GSC2: variants seen among roughly 807,000 people sequenced by gnomAD.
GSC2 encodes goosecoid homeobox 2.
In GSC2, 12 loss-of-function variants were observed where a neutral mutation model predicts 11.3. The observed-to-expected ratio is 1.06, with a 90% CI of 0.68 to 1.72. The LOEUF (loss-of-function observed/expected upper bound fraction) is 1.72. GSC2 is among the 40% of genes most tolerant of loss of function. The pLI is 0.00. For missense variants in GSC2, 310 were observed against 235.7 expected (o/e 1.32, Z -2.06); for synonymous variants, 148 against 110.0 (o/e 1.35, Z -2.16).
In GSC2 at chr22:19,149,659, T is replaced by C. The variant is rs1164346760; in HGVS notation, c.513+4A>G. ...TCCGGGGAAAGGCTGGGCGGGGCAC[T>C]CACCTCCACGCGCTCCTCGCGAAGG... On this transcript the variant is annotated splice_donor_region_variant and intron_variant, in intron 2 of 2. Coordinates refer to ENST00000086933, the MANE Select transcript of GSC2 (RefSeq NM_005315.2). The C allele has an allele frequency of 2.6e-6, 4 of 1,535,092 alleles. No individual in the cohort carries two copies. Among genetic ancestry groups the C allele is most frequent in the Non-Finnish European group, 3.5e-6 (4 of 1,145,682 alleles).
chr22:19,149,517 C>A, intron 2 of GSC2, 146 bp downstream of exon 2: 1 of 850,398 alleles, frequency 1.2e-6, no homozygotes, highest in Non-Finnish European at 1.7e-6. Flanking sequence ...GGACGCCCAG[C>A]GCCGTCCAGG....
At position 19,147,697 on chromosome 22, in the gene GSC2, G is replaced by C. The variant is rs572140675; in HGVS notation, c.*1294C>G. Among the ~76,000 whole-genome samples the C allele has an allele frequency of 6.6e-6, 1 of 152,236 alleles. No homozygotes were observed. The highest frequency in any genetic ancestry group is 6.5e-5 in the Admixed American group (1 of 15,298). ...TGCTAGGGACACCCAGCAGTGTCAGGGCAGTTCTGACTGGGGACACCATGC... is the reference window on the plus strand; with the variant it reads ...TGCTAGGGACACCCAGCAGTGTCAGCGCAGTTCTGACTGGGGACACCATGC... On this transcript the variant is annotated 3_prime_UTR_variant, in exon 3 of 3. Coordinates refer to ENST00000086933, the MANE Select transcript of GSC2 (RefSeq NM_005315.2).
intron 1 of GSC2, 27 bp downstream of exon 1, chr22:19,149,998 C>G: frequency 9.1e-7 from 1 of 1,093,720 alleles, no homozygotes; most frequent in Non-Finnish European, 1.1e-6. Flanking sequence ...TCCGCCGGGC[C>G]CCGCGCCCCG....
At chr22:19,149,120 C>A in intron 2 of GSC2, 25 bp from the exon 3 acceptor site, 2 of 1,405,768 alleles carry the variant, frequency 1.4e-6, no homozygotes, top group South Asian at 2.6e-5. Context: ...AATGCTCAGC[C>A]CTAGCCCCAG....
Position 19,150,119 on chromosome 22 carries a change from C to T in GSC2, c.165G>A (p.Glu55=). The change falls in exon 1 of 3, where the codon GAG becomes GAA. Residue 55 remains glutamate (E), a synonymous_variant. Coordinates refer to ENST00000086933, the MANE Select transcript of GSC2 (RefSeq NM_005315.2). ...AGRQSPAKPE[E]PGAPEAAPCA... ...AGGGCGCAGCCTCGGGCGCCCCGGG[C>T]TCCTCTGGCTTCGCGGGGCTCTGGC... is the stretch of plus-strand genomic sequence containing the variant. 1.0e-6 allele frequency: 1 copy of T among 988,494 alleles called. No homozygotes were observed. Among genetic ancestry groups the T allele is most frequent in the Non-Finnish European group, 1.2e-6 (1 of 826,936 alleles). 61.2% of individuals were successfully genotyped at this position (988,494 alleles called of 1,614,324 possible). A position where few individuals can be genotyped will look rare whatever the true frequency, so the allele number is the denominator to read the frequency against.
In GSC2 at chr22:19,147,395, C is replaced by T. The variant is rs2083798306; in HGVS notation, c.*1596G>A. Among the ~76,000 whole-genome samples, 1 of 152,172 alleles carries T rather than the reference C, an allele frequency of 6.6e-6. No individual in the cohort carries two copies. Among genetic ancestry groups the T allele is most frequent in the African/African-American group, 2.4e-5 (1 of 41,432 alleles). On this transcript the variant is annotated 3_prime_UTR_variant, in exon 3 of 3. Transcript: ENST00000086933. ...GGGGGGTCAGCCTGCCAAGGAGCAGCTAGAGCTCAAGAAGCAAATTCAGGA... is the reference window on the plus strand; with the variant it reads ...GGGGGGTCAGCCTGCCAAGGAGCAGTTAGAGCTCAAGAAGCAAATTCAGGA...
Position 19,149,756 on chromosome 22 carries a change from C to T in GSC2, c.420G>A (p.Ala140=). 6.3e-7 allele frequency: 1 copy of T among 1,595,332 alleles called. No individual in the cohort carries two copies. Among genetic ancestry groups the T allele is most frequent in the African/African-American group, 1.4e-5 (1 of 72,860 alleles). ...RTIFSEEQLQ[A]LEALFVQNQY... is the part of the protein sequence containing the mutation. ...GGTTCTGCACGAAAAGCGCCTCGAG[C>T]GCCTGCAGCTGCTCTTCGCTGAAGA... is the stretch of plus-strand genomic sequence containing the variant. The change falls in exon 2 of 3, where the codon GCG becomes GCA. Residue 140 remains alanine (A), a synonymous_variant. Transcript: ENST00000086933.
chr22:19,149,267 C>T (rs987577386), intron 2 of GSC2, among the ~76,000 whole-genome samples, 172 bp from the exon 3 acceptor site: 1 of 152,198 alleles, frequency 6.6e-6, no homozygotes, highest in Non-Finnish European at 1.5e-5. Flanking sequence ...TCGCTGCGGA[C>T]AGACTCGGTG....
rs1053989085 is a variant in GSC2 at position 19,147,320 on chromosome 22, C to G, written c.*1671G>C. On this transcript the variant is annotated 3_prime_UTR_variant, in exon 3 of 3. Coordinates refer to ENST00000086933, the MANE Select transcript of GSC2 (RefSeq NM_005315.2). ...CCGGGAAGAGGGTGAAGATGAGAAG[C>G]GAGCGCCTGGGTGTGAGCGTGAAGG... Among the ~76,000 whole-genome samples, 5 of 152,062 alleles carry G rather than the reference C, an allele frequency of 3.3e-5. No homozygotes were observed. Among genetic ancestry groups the G allele is most frequent in the Non-Finnish European group, 5.9e-5 (4 of 68,020 alleles).
In GSC2 at chr22:19,150,133, C is replaced by T. The variant is rs1386115151; in HGVS notation, c.151G>A (p.Ala51Thr). 9.3e-5 allele frequency: 90 copies of T among 967,142 alleles called. No individual in the cohort carries two copies. The highest frequency in any genetic ancestry group is 1.1e-4 in the Non-Finnish European group (86 of 805,950). The allele number at this position is 967,142 out of a possible 1,614,324, so 59.9% of individuals were successfully genotyped here. ...GGCGCCCCGGGCTCCTCTGGCTTCG[C>T]GGGGCTCTGGCGACCGGCGGGCTGC... ...PPQPAGRQSPAKPEEPGAPEA... is the reference protein window; with the variant it reads ...PPQPAGRQSPTKPEEPGAPEA... Residue 51 changes from alanine to threonine, a missense_variant, in exon 1 of 3, where the codon GCG becomes ACG. Ala to Thr is a moderately conservative substitution (Grantham distance 58, BLOSUM62 0). Transcript: ENST00000086933.
Position 19,148,348 on chromosome 22 carries a change from C to T in GSC2, c.*643G>A, listed in dbSNP as rs1202966236. ...TCCTTGTTGGGTGTGGGAGTGGAGCCAAGGTGGACTTGAGACTCTGGGCGG... is the reference window on the plus strand; with the variant it reads ...TCCTTGTTGGGTGTGGGAGTGGAGCTAAGGTGGACTTGAGACTCTGGGCGG... On this transcript the variant is annotated 3_prime_UTR_variant, in exon 3 of 3. Transcript: ENST00000086933. Among the ~76,000 whole-genome samples, 1 of 152,150 alleles carries T rather than the reference C, an allele frequency of 6.6e-6. No homozygotes were observed. The highest frequency in any genetic ancestry group is 1.9e-4 in the East Asian group (1 of 5,188).
In GSC2 at chr22:19,149,730, T is replaced by A; in HGVS notation, c.446A>T (p.Gln149Leu). 6.3e-7 allele frequency: 1 copy of A among 1,592,970 alleles called. No individual in the cohort carries two copies. The highest frequency in any genetic ancestry group is 8.5e-7 in the Non-Finnish European group (1 of 1,171,772). ...CTCGCGCGTACTCACGTCAGGATAC[T>A]GGTTCTGCACGAAAAGCGCCTCGAG... ...QALEALFVQNQYPDVSTRERL... is the reference protein window; with the variant it reads ...QALEALFVQNLYPDVSTRERL... Residue 149 changes from glutamine (Q) to leucine (L), a missense_variant, in exon 2 of 3, where the codon CAG (glutamine) becomes CTG (leucine). Gln to Leu is a moderately radical substitution (Grantham distance 113). Coordinates refer to ENST00000086933, the MANE Select transcript of GSC2 (RefSeq NM_005315.2).
rs73390724 is a variant in GSC2 at position 19,148,995 on chromosome 22, C to G, written c.614G>C (p.Cys205Ser). The G allele has an allele frequency of 3.8e-4, 602 of 1,575,960 alleles. 1 individual carries two copies. The African/African-American group carries it at 7.7e-3, about 20-fold the overall frequency. ...PGVKKSPKGSC is the reference protein window; with the variant it reads ...PGVKKSPKGSS ...CAGGGGCAGCTCCTAGAGTCATCAG[C>G]AGCTCCCCTTCGGGGACTTCTTGAC... The change falls in exon 3 of 3, where the codon TGC becomes TCC. Residue 205 changes from cysteine to serine, a missense_variant. Transcript: ENST00000086933.
chr22:19,149,494 T>A (rs2146120910), intron 2 of GSC2, among the ~76,000 whole-genome samples, 169 bp downstream of exon 2: 2 of 152,308 alleles, frequency 1.3e-5, no homozygotes, highest in South Asian at 4.1e-4. Context: ...TCTCACCCGC[T>A]CCTCATACCC....
chr22:19,148,846 G>A lies in GSC2; in HGVS notation c.*145C>T. The A allele has an allele frequency of 3.6e-6, 2 of 559,908 alleles. No individual in the cohort carries two copies. Among genetic ancestry groups the A allele is most frequent in the Non-Finnish European group, 3.2e-6 (1 of 315,268 alleles). 34.7% of individuals were successfully genotyped at this position (559,908 alleles called of 1,614,324 possible). On this transcript the variant is annotated 3_prime_UTR_variant, in exon 3 of 3. Transcript: ENST00000086933. ...CGTCCCCAGCGCCACGGCAGCACGA[G>A]CTGCAGGAGGCAAGGGCTGTGGAGA...
At chr22:19,149,586 G>A in intron 2 of GSC2, 77 bp downstream of exon 2, 3 of 1,381,242 alleles carry the variant, frequency 2.2e-6, no homozygotes, top group South Asian at 1.6e-5. Context: ...TTTGCAAAGG[G>A]CGCCCGCCCG....
Position 19,147,376 on chromosome 22 carries a change from T to G in GSC2, c.*1615A>C, listed in dbSNP as rs2083798131. The stretch of plus-strand genomic sequence containing the variant: ...TATGTTAATAGCCTGCTGTGGGGGG[T>G]CAGCCTGCCAAGGAGCAGCTAGAGC... On this transcript the variant is annotated 3_prime_UTR_variant, in exon 3 of 3. Transcript: ENST00000086933. Among the ~76,000 whole-genome samples, 1 of 151,916 alleles carries G rather than the reference T, an allele frequency of 6.6e-6. No individual in the cohort carries two copies.
In GSC2 at chr22:19,148,691, G is replaced by A. The variant is rs1353051183; in HGVS notation, c.*300C>T. 2.1e-5 allele frequency: 8 copies of A among 377,608 alleles called. No individual in the cohort carries two copies. The highest frequency in any genetic ancestry group is 3.3e-5 in the Non-Finnish European group (7 of 209,014). The allele number at this position is 377,608 out of a possible 1,614,324, so 23.4% of individuals were successfully genotyped here. ...ATTCTGGGTCCCGTGTTGATACGGG[G>A]TGGTTCCCCTCCTGCGGTGGAGTTA... On this transcript the variant is annotated 3_prime_UTR_variant, in exon 3 of 3. Transcript: ENST00000086933.
At position 19,149,003 on chromosome 22, in the gene GSC2, C is replaced by T; in HGVS notation, c.606G>A (p.Lys202=). The T allele has an allele frequency of 6.3e-7, 1 of 1,594,688 alleles. No individual in the cohort carries two copies. Among genetic ancestry groups the T allele is most frequent in the East Asian group, 2.3e-5 (1 of 44,066 alleles). ...RLLPGVKKSP[K]GSC is the part of the protein sequence containing the mutation. ...GCTCCTAGAGTCATCAGCAGCTCCC[C>T]TTCGGGGACTTCTTGACGCCGGGCA... The change falls in exon 3 of 3, where the codon AAG becomes AAA. Residue 202 remains lysine, a synonymous_variant. Transcript: ENST00000086933.
Sources: allele counts gnomAD v4.1 joint callset (sites outside exome capture counted in the v4.1 genomes callset), GRCh38; gene constraint gnomAD v4.1.1; transcripts MANE v1.5; gene names NCBI Gene and HGNC (gene_info 2026-07-23, HGNC 2026-07-21).